DROSHA: variants seen among roughly 807,000 people sequenced by gnomAD.
DROSHA encodes the protein ribonuclease 3.
Under a neutral mutation model 181.9 loss-of-function variants are expected in DROSHA, and 56 were observed. The observed-to-expected ratio is 0.31, with a 90% CI of 0.25 to 0.38. DROSHA has a LOEUF of 0.38. Ranked by LOEUF, DROSHA falls within the 10% of genes least tolerant of loss-of-function variation. The probability of loss-of-function intolerance (pLI) is 1.00; values close to 1 mark genes in which losing one functional copy is unlikely to be tolerated. For synonymous variants in DROSHA, 524 were observed against 591.2 expected, an observed-to-expected ratio of 0.89 and a Z score of 1.65; for missense variants, 1,218 against 1,743.5, an observed-to-expected ratio of 0.70 and a Z score of 5.37.
At chr5:31,437,095 T>G in intron 24 of DROSHA, 144 bp downstream of exon 24, 1 of 858,530 alleles carries the variant, frequency 1.2e-6, no homozygotes, top group Non-Finnish European at 1.8e-6. Context: ...CACAGACATG[T>G]GGCTTCTAAG....
At chr5:31,501,536 T>G (rs1432021362) in intron 11 of DROSHA, among the ~76,000 whole-genome samples, 1 of 151,854 alleles carries the variant, frequency 6.6e-6, no homozygotes, top group Non-Finnish European at 1.5e-5. Flanking sequence ...GTGCCACCCT[T>G]AAGGATCTGA....
chr5:31,408,890 C>A (rs1167061498), intron 33 of DROSHA, 166 bp downstream of exon 33: 4 of 596,898 alleles, frequency 6.7e-6, no homozygotes, highest in Non-Finnish European at 1.2e-5. Flanking sequence ...AGTGAGAGCC[C>A]CAGTGAGTTT....
Position 31,401,443 on chromosome 5 carries a change from T to G in DROSHA, c.4114A>C (p.Ile1372Leu). 1.9e-6 allele frequency: 3 copies of G among 1,613,104 alleles called. No individual in the cohort carries two copies. Among genetic ancestry groups the G allele is most frequent in the Non-Finnish European group, 1.7e-6 (2 of 1,179,296 alleles). The change falls in exon 36 of 36, where the codon ATC (isoleucine) becomes CTC (leucine). Residue 1372 changes from isoleucine to leucine, a missense_variant. This residue lies in a region of DROSHA where 32 missense variants were observed against 29.2 expected (regional missense o/e 1.09). Coordinates refer to ENST00000344624, the MANE Select transcript of DROSHA (RefSeq NM_001382508.1). Reference protein sequence around the residue: ...QEREPDETEDIKK With the variant: ...QEREPDETEDLKK ...TTGCATGCCCTCCTTTATTTCTTGA[T>G]GTCTTCAGTCTCATCTGGCTCTCTC... is the stretch of plus-strand genomic sequence containing the variant.
intron 6 of DROSHA, among the ~76,000 whole-genome samples, chr5:31,516,725 G>C (rs572284992): frequency 4.5e-4 from 68 of 152,242 alleles, no homozygotes; most frequent in African/African-American, 1.5e-3. Flanking sequence ...TAATGTTATA[G>C]CCTGACCTTC....
intron 23 of DROSHA, among the ~76,000 whole-genome samples, chr5:31,442,922 A>G (rs1046824713): frequency 6.6e-6 from 1 of 152,032 alleles, no homozygotes; most frequent in African/African-American, 2.4e-5. Flanking sequence ...GGGTGATGGA[A>G]TTTACATATA....
Position 31,514,915 on chromosome 5 carries a change from TCCAG to T in DROSHA, c.1290+69_1290+72del. 1 of 1,410,398 alleles carries T rather than the reference TCCAG, an allele frequency of 7.1e-7. No individual in the cohort carries two copies. The highest frequency in any genetic ancestry group is 9.8e-7 in the Non-Finnish European group (1 of 1,021,226). The allele number at this position is 1,410,398 out of a possible 1,614,324, so 87.4% of individuals were successfully genotyped here. On this transcript the variant is annotated intron_variant, in intron 8 of 35. Transcript: ENST00000344624. The surrounding 1 kb of genome is among the most constrained non-coding windows in gnomAD (Gnocchi z 4.4). ...GGCAGTCCCCACAATCAAGAATTTATCCAGCCCCAAAGGCCAATAGTGACAACGC... is the reference window on the plus strand; with the variant it reads ...GGCAGTCCCCACAATCAAGAATTTATCCCCAAAGGCCAATAGTGACAACGC...
chr5:31,449,318 T>G lies in DROSHA; in HGVS notation c.2784A>C (p.Gly928=), dbSNP rs757898511. The change falls in exon 22 of 36, where the codon GGA becomes GGC. Residue 928 remains glycine, a synonymous_variant. Transcript: ENST00000344624. ...SNCGIRQPKY[G]DRKVHHMHMR... ...TGTGCATGTGATGAACTTTTCTGTC[T>G]CCGTATTTGGGCTGCCGAATTCCAC... The G allele has an allele frequency of 6.2e-7, 1 of 1,613,820 alleles. No homozygotes were observed. The highest frequency in any genetic ancestry group is 1.1e-5 in the South Asian group (1 of 91,000).
At chr5:31,468,781 C>T (rs1749406978) in intron 17 of DROSHA, among the ~76,000 whole-genome samples, 1 of 152,154 alleles carries the variant, frequency 6.6e-6, no homozygotes, top group Non-Finnish European at 1.5e-5. Flanking sequence ...TCAGGACAGT[C>T]TCAATTAGAG....
At chr5:31,465,531 T>C (rs1356999982) in intron 19 of DROSHA, among the ~76,000 whole-genome samples, 1 of 152,240 alleles carries the variant, frequency 6.6e-6, no homozygotes, top group Non-Finnish European at 1.5e-5. Flanking sequence ...AAGATATGTT[T>C]GATTCCCAGT....
At chr5:31,478,340 C>T (rs1209417765) in intron 16 of DROSHA, among the ~76,000 whole-genome samples, 1 of 152,170 alleles carries the variant, frequency 6.6e-6, no homozygotes, top group Non-Finnish European at 1.5e-5. Flanking sequence ...AAATGTTTTA[C>T]GAAAGTTTAC....
intron 16 of DROSHA, among the ~76,000 whole-genome samples, chr5:31,474,322 C>T (rs751008314): frequency 2.6e-4 from 40 of 152,254 alleles, no homozygotes; most frequent in Non-Finnish European, 5.1e-4. Flanking sequence ...GTGTTATGGA[C>T]TCAATGTTTG....
Position 31,502,134 on chromosome 5 carries a change from C to T in DROSHA, c.1668+2421G>A, listed in dbSNP as rs151053235. ...CAGGCTCAGGAGGCAAAAGAATGCACATTTAGAAACATTGTTCCAACCTGC... is the reference window on the plus strand; with the variant it reads ...CAGGCTCAGGAGGCAAAAGAATGCATATTTAGAAACATTGTTCCAACCTGC... On this transcript the variant is annotated intron_variant, in intron 11 of 35. Coordinates refer to ENST00000344624, the MANE Select transcript of DROSHA (RefSeq NM_001382508.1). Among the ~76,000 whole-genome samples the T allele has an allele frequency of 4.6e-3, 699 of 152,356 alleles. 3 individuals carry two copies. Among genetic ancestry groups the T allele is most frequent in the Non-Finnish European group, 5.5e-3 (373 of 68,026 alleles).
At chr5:31,475,566 A>C (rs978270415) in intron 16 of DROSHA, among the ~76,000 whole-genome samples, 1 of 152,216 alleles carries the variant, frequency 6.6e-6, no homozygotes, top group Admixed American at 6.5e-5. Context: ...GCAGGAATAA[A>C]GGAAACCTAG....
chr5:31,531,800 C>T (rs1054166095), intron 1 of DROSHA, among the ~76,000 whole-genome samples, 190 bp downstream of exon 1: 10 of 152,118 alleles, frequency 6.6e-5, no homozygotes, highest in South Asian at 6.2e-4. Flanking sequence ...GAAAGGTCTC[C>T]TTTTTCACTT....
At chr5:31,408,613 C>A in intron 33 of DROSHA, 1 of 160,202 alleles carries the variant, frequency 6.2e-6, no homozygotes, top group Admixed American at 5.9e-5. Flanking sequence ...AAGTTGAAGC[C>A]AATAGGGGTT....
Position 31,515,441 on chromosome 5 carries a change from C to T in DROSHA, c.1058+13G>A, listed in dbSNP as rs1428996249. On this transcript the variant is annotated intron_variant, in intron 7 of 35. Transcript: ENST00000344624. ...AAATACAAATTCCCAGGCCCCACCC[C>T]AGATCTACTTACTGATTCACAATCT... 8.2e-7 allele frequency: 1 copy of T among 1,223,596 alleles called. No homozygotes were observed. Among genetic ancestry groups the T allele is most frequent in the Non-Finnish European group, 1.2e-6 (1 of 849,444 alleles). 75.8% of individuals were successfully genotyped at this position (1,223,596 alleles called of 1,614,324 possible). A position where few individuals can be genotyped will look rare whatever the true frequency, so the allele number is the denominator to read the frequency against.
At chr5:31,467,276 C>A (rs1373909740) in intron 18 of DROSHA, 2 of 139,378 alleles carry the variant, frequency 1.4e-5, no homozygotes, top group Admixed American at 7.7e-5. Context: ...TTTTCTCCCA[C>A]TATGAATCCT....
intron 3 of DROSHA, 22 bp from the exon 4 acceptor site, chr5:31,529,127 A>C: frequency 6.4e-7 from 1 of 1,573,398 alleles, no homozygotes; most frequent in Non-Finnish European, 8.6e-7. Context: ...AAAGAATAAA[A>C]CAGACATAAA....
chr5:31,409,201 A>G lies in DROSHA; in HGVS notation c.3751-42T>C. On this transcript the variant is annotated intron_variant, in intron 32 of 35. Transcript: ENST00000344624. The surrounding 1 kb of genome is among the most constrained non-coding windows in gnomAD (Gnocchi z 4.0). ...AAACTATTTAGTAATGGGTTCTGGA[A>G]TCACCAAACATAAAGCAGACCACTA... is the stretch of plus-strand genomic sequence containing the variant. The G allele has an allele frequency of 6.2e-7, 1 of 1,608,600 alleles. No homozygotes were observed. Among genetic ancestry groups the G allele is most frequent in the Non-Finnish European group, 8.5e-7 (1 of 1,177,128 alleles).
Sources: allele counts gnomAD v4.1 joint callset (sites outside exome capture counted in the v4.1 genomes callset), GRCh38; gene constraint gnomAD v4.1.1; regional missense constraint gnomAD v4.1.1; non-coding constraint Gnocchi (gnomAD v3.1); transcripts MANE v1.5; gene names NCBI Gene and HGNC (gene_info 2026-07-23, HGNC 2026-07-21).